The following LUZP1 variants were observed in gnomAD, a reference collection of about 807,000 sequenced individuals.
The protein encoded by LUZP1 is filamin mechanobinding actin cross-linking protein.
Under a neutral mutation model 71.3 loss-of-function variants are expected in LUZP1, and 25 were observed. That is an observed-to-expected ratio of 0.35 (90% CI 0.26 to 0.49). The LOEUF is 0.49. Among genes scored for constraint, LUZP1 ranks in the 20% least tolerant of loss-of-function variants. The pLI is 0.99. For missense variants in LUZP1, 1,142 were observed against 1,300.8 expected, an observed-to-expected ratio of 0.88 and a Z score of 1.88; for synonymous variants, 481 against 506.4, an observed-to-expected ratio of 0.95 and a Z score of 0.67.
At chr1:23,092,373 G>C in exon 4 of LUZP1, 1 of 1,614,194 alleles carries the variant, frequency 6.2e-7, no homozygotes, top group African/African-American at 1.3e-5. Flanking sequence ...AACTGCTGCA[G>C]GTTGATTAAC....
At chr1:23,147,428 C>G (rs1644352363) in intron 2 of LUZP1, among the ~76,000 whole-genome samples, 1 of 143,174 alleles carries the variant, frequency 7.0e-6, no homozygotes, top group African/African-American at 2.6e-5. Context: ...GGTGACAGAG[C>G]AAGACTCTAT....
At chr1:23,143,323 C>G (rs1258842825) in intron 2 of LUZP1, among the ~76,000 whole-genome samples, 3 of 152,112 alleles carry the variant, frequency 2.0e-5, no homozygotes, top group African/African-American at 4.8e-5. Context: ...AAAATTTAAG[C>G]TGACTCTTTT....
intron 2 of LUZP1, among the ~76,000 whole-genome samples, chr1:23,117,454 C>CCTCTCTCTCTCTCTCTCTCTCTCTCTCT (rs1185318512): frequency 7.5e-5 from 1 of 13,362 alleles, no homozygotes; most frequent in African/African-American, 4.4e-4. Flanking sequence ...TTTTTTTTTT[C>CCTCTCTCTCTCTCTCTCTCTCTCTCTCT]CTCTCTCTCT....
intron 2 of LUZP1, among the ~76,000 whole-genome samples, chr1:23,118,173 G>C (rs1644101108): frequency 6.6e-6 from 1 of 152,040 alleles, no homozygotes; most frequent in Non-Finnish European, 1.5e-5. Flanking sequence ...AGGCCAAAGT[G>C]GGTGGATCAC....
chr1:23,160,541 C>T (rs1417352387), intron 2 of LUZP1, among the ~76,000 whole-genome samples: 1 of 152,098 alleles, frequency 6.6e-6, no homozygotes, highest in African/African-American at 2.4e-5. Context: ...TCTATATCGC[C>T]GGAAGCAGTT....
chr1:23,116,921 TG>T (rs1293476030), intron 2 of LUZP1, among the ~76,000 whole-genome samples: 4 of 152,176 alleles, frequency 2.6e-5, no homozygotes, highest in African/African-American at 9.7e-5. Context: ...TTAGGAGAAG[TG>T]TATCTCATCT....
chr1:23,125,800 GA>G (rs781270622), intron 2 of LUZP1, among the ~76,000 whole-genome samples: 5 of 152,168 alleles, frequency 3.3e-5, no homozygotes, highest in Non-Finnish European at 7.4e-5. Flanking sequence ...TGTCAATTAT[GA>G]AAAGTAACGA....
intron 3 of LUZP1, among the ~76,000 whole-genome samples, chr1:23,098,329 G>A (rs1458686093): frequency 6.6e-6 from 1 of 152,204 alleles, no homozygotes; most frequent in Non-Finnish European, 1.5e-5. Flanking sequence ...AGGGTACCAG[G>A]TACCAGAGGA....
At position 23,131,018 on chromosome 1, in the gene LUZP1, G is replaced by A. The variant is rs112010958; in HGVS notation, c.-225-21891C>T. 2.3e-3 allele frequency among the ~76,000 whole-genome samples: 352 copies of A among 151,994 alleles called. 5 individuals carry two copies. Among genetic ancestry groups the A allele is most frequent in the African/African-American group, 7.8e-3 (325 of 41,436 alleles). ...AGATCACCTGAGGTCAGGAGTTTGA[G>A]GCCAGCCTGGGCCAACATGGTGAAA... On this transcript the variant is annotated intron_variant, in intron 2 of 4. Transcript: ENST00000302291.
At chr1:23,097,944 TG>T (rs1643901692) in intron 3 of LUZP1, among the ~76,000 whole-genome samples, 1 of 152,192 alleles carries the variant, frequency 6.6e-6, no homozygotes, top group African/African-American at 2.4e-5. Context: ...TCAATTCAAA[TG>T]GAGATGACCG....
chr1:23,089,728 G>C (rs1204857000), intron 4 of LUZP1, among the ~76,000 whole-genome samples: 3 of 151,234 alleles, frequency 2.0e-5, no homozygotes, highest in Admixed American at 2.0e-4. Context: ...AAGTAGCTGG[G>C]ATTACAAGCA....
In LUZP1 at chr1:23,164,233, C is replaced by T. The variant is rs1183725750; in HGVS notation, c.-226+4533G>A. On this transcript the variant is annotated intron_variant, in intron 2 of 4. Coordinates refer to ENST00000302291, the Ensembl canonical transcript of LUZP1. ...GTCACCGGCTGGGCGCGGTGGCTCA[C>T]GCCTCTAATCCCAGCACTTTGGGAG... Among the ~76,000 whole-genome samples, 5 of 152,248 alleles carry T rather than the reference C, an allele frequency of 3.3e-5. No homozygotes were observed. The South Asian group carries it at 8.3e-4, about 25-fold the overall frequency.
intron 3 of LUZP1, among the ~76,000 whole-genome samples, chr1:23,102,832 CAGTG>C (rs887370513): frequency 1.3e-4 from 20 of 152,172 alleles, no homozygotes; most frequent in African/African-American, 4.8e-4. Flanking sequence ...AAGCAAAAGA[CAGTG>C]GGCCTGTCTG....
At chr1:23,139,073 TATA>T (rs1454520435) in intron 2 of LUZP1, among the ~76,000 whole-genome samples, 1 of 140,456 alleles carries the variant, frequency 7.1e-6, no homozygotes, top group African/African-American at 2.7e-5. Context: ...ATTTTGTATA[TATA>T]ATGTGTGTGT....
intron 2 of LUZP1, among the ~76,000 whole-genome samples, chr1:23,156,877 C>G (rs978415775): frequency 6.6e-6 from 1 of 152,170 alleles, no homozygotes; most frequent in African/African-American, 2.4e-5. Flanking sequence ...CAATGCTGAC[C>G]ACTCACTTCC....
intron 2 of LUZP1, among the ~76,000 whole-genome samples, chr1:23,157,065 G>A (rs1644425454): frequency 1.3e-5 from 2 of 152,214 alleles, no homozygotes; most frequent in African/African-American, 4.8e-5. Flanking sequence ...AGGGAGCAGT[G>A]GCTCACGCCT....
intron 2 of LUZP1, among the ~76,000 whole-genome samples, chr1:23,121,527 G>A (rs1450800463): frequency 6.6e-6 from 1 of 152,258 alleles, no homozygotes; most frequent in East Asian, 1.9e-4. Flanking sequence ...AGACTAGCCT[G>A]GGCAACATAG....
At chr1:23,139,422 A>G (rs1397580927) in intron 2 of LUZP1, among the ~76,000 whole-genome samples, 1 of 152,106 alleles carries the variant, frequency 6.6e-6, no homozygotes, top group Non-Finnish European at 1.5e-5. Flanking sequence ...TTTGAACTGC[A>G]CAGGTCCATT....
chr1:23,107,255 G>A (rs969034578), intron 3 of LUZP1, among the ~76,000 whole-genome samples: 1 of 151,940 alleles, frequency 6.6e-6, no homozygotes, highest in Non-Finnish European at 1.5e-5. Context: ...ATCACCTTAC[G>A]CTGCTTTTTT....
Sources: allele counts gnomAD v4.1 joint callset (sites outside exome capture counted in the v4.1 genomes callset), GRCh38; gene constraint gnomAD v4.1.1; transcripts MANE v1.5; gene names NCBI Gene and HGNC (gene_info 2026-07-23, HGNC 2026-07-21).